The following NRXN3 variants were observed in gnomAD, a reference collection of about 807,000 sequenced individuals.
NRXN3 encodes the protein neurexin 3.
Under a neutral mutation model 137.6 loss-of-function variants are expected in NRXN3, and 32 were observed. The ratio of observed to expected loss-of-function variants is 0.23; its 90% CI spans 0.18 to 0.31. The LOEUF (loss-of-function observed/expected upper bound fraction) is 0.31, where lower values mean the gene tolerates loss of function less well. Ranked by LOEUF, NRXN3 falls within the 10% of genes least tolerant of loss-of-function variation. NRXN3 has a pLI of 1.00. For missense variants in NRXN3, 1,574 were observed against 2,062.5 expected, an observed-to-expected ratio of 0.76 and a Z score of 4.59; for synonymous variants, 798 against 784.5, an observed-to-expected ratio of 1.02 and a Z score of -0.29.
chr14:78,442,067 T>G (rs7143088), intron 4 of NRXN3, among the ~76,000 whole-genome samples: 149,790 of 150,212 alleles, frequency 1, 74,686 homozygotes, highest in Middle Eastern at 1. Context: ...CTGCACTCCA[T>G]CCTGCGTGAC....
chr14:78,484,366 G>T (rs2095527899), intron 4 of NRXN3, among the ~76,000 whole-genome samples: 1 of 152,186 alleles, frequency 6.6e-6, no homozygotes, highest in Admixed American at 6.5e-5. Flanking sequence ...GACATGCAGA[G>T]ATGTGCCCAG....
At chr14:78,715,424 G>C (rs2098426707) in intron 8 of NRXN3, among the ~76,000 whole-genome samples, 1 of 151,940 alleles carries the variant, frequency 6.6e-6, no homozygotes, top group African/African-American at 2.4e-5. Context: ...TTCTCTTTTG[G>C]GACTCCAGGG....
intron 10 of NRXN3, among the ~76,000 whole-genome samples, chr14:78,908,951 A>AAAACATTC (rs1338444591): frequency 6.6e-6 from 1 of 152,186 alleles, no homozygotes; most frequent in Non-Finnish European, 1.5e-5. Context: ...ACTTGTGAAG[A>AAAACATTC]AAACATTCAT....
chr14:79,409,186 T>C (rs1172860879), intron 15 of NRXN3, among the ~76,000 whole-genome samples: 1 of 152,036 alleles, frequency 6.6e-6, no homozygotes, highest in East Asian at 1.9e-4. Context: ...TAACACATTT[T>C]TCAATTAACA....
chr14:78,264,597 GA>G (rs2153478866), intron 2 of NRXN3, among the ~76,000 whole-genome samples: 1 of 152,204 alleles, frequency 6.6e-6, no homozygotes, highest in East Asian at 1.9e-4. Context: ...ATCTGGGGGT[GA>G]GGGGGTGGGG....
At chr14:79,486,157 C>G (rs1234747226) in intron 16 of NRXN3, among the ~76,000 whole-genome samples, 1 of 152,090 alleles carries the variant, frequency 6.6e-6, no homozygotes, top group Admixed American at 6.5e-5. Flanking sequence ...AAGCTCTAGT[C>G]CAGGTCATTC....
intron 19 of NRXN3, among the ~76,000 whole-genome samples, chr14:79,780,640 A>G (rs1293924801): frequency 6.6e-6 from 1 of 152,174 alleles, no homozygotes; most frequent in African/African-American, 2.4e-5. Flanking sequence ...TTTACCTTGA[A>G]TATTGAGATG....
chr14:78,720,076 T>A (rs2098452653), intron 8 of NRXN3, among the ~76,000 whole-genome samples: 1 of 152,130 alleles, frequency 6.6e-6, no homozygotes, highest in African/African-American at 2.4e-5. Flanking sequence ...TATATACATA[T>A]ACTAGATGGT....
intron 10 of NRXN3, among the ~76,000 whole-genome samples, chr14:78,954,090 C>T (rs2099392055): frequency 1.3e-5 from 2 of 152,166 alleles, no homozygotes. Flanking sequence ...ATATTTCAAC[C>T]TTCAGCTTGT....
At chr14:79,383,896 C>G (rs916630423) in intron 15 of NRXN3, among the ~76,000 whole-genome samples, 6 of 152,280 alleles carry the variant, frequency 3.9e-5, no homozygotes, top group Non-Finnish European at 8.8e-5. Context: ...TATTCCCCTC[C>G]CTTTCCTTTA....
Position 79,481,697 on chromosome 14 carries a change from T to C in NRXN3, c.3444+14295T>C, listed in dbSNP as rs1054216761. ...CAGGTGAATTGCAGTAGAGAAAGAGTTTAATACATGTAGAGCTGGCTAAAT... is the reference window on the plus strand; with the variant it reads ...CAGGTGAATTGCAGTAGAGAAAGAGCTTAATACATGTAGAGCTGGCTAAAT... On this transcript the variant is annotated intron_variant, in intron 16 of 20. Coordinates refer to ENST00000335750, the MANE Select transcript of NRXN3 (RefSeq NM_001330195.2). Among the ~76,000 whole-genome samples, 4 of 151,852 alleles carry C rather than the reference T, an allele frequency of 2.6e-5. 1 individual carries two copies. The highest frequency in any genetic ancestry group is 2.6e-4 in the Admixed American group (4 of 15,238).
At chr14:79,520,651 G>A (rs2097055214) in intron 16 of NRXN3, among the ~76,000 whole-genome samples, 1 of 152,144 alleles carries the variant, frequency 6.6e-6, no homozygotes, top group Admixed American at 6.5e-5. Flanking sequence ...AGTATTCCAT[G>A]TTGTATATGT....
At chr14:78,252,994 G>C (rs759819743) in intron 2 of NRXN3, among the ~76,000 whole-genome samples, 18 of 152,154 alleles carry the variant, frequency 1.2e-4, no homozygotes, top group African/African-American at 4.3e-4. Flanking sequence ...TTTCTTTCCA[G>C]ACGGGGCCCT....
intron 16 of NRXN3, among the ~76,000 whole-genome samples, chr14:79,499,183 G>A (rs1375405316): frequency 1.3e-5 from 2 of 152,104 alleles, no homozygotes; most frequent in African/African-American, 4.8e-5. Flanking sequence ...CATTACCAAA[G>A]CTTTGAAGAC....
intron 10 of NRXN3, among the ~76,000 whole-genome samples, chr14:78,815,954 C>T (rs1271712684): frequency 6.6e-6 from 1 of 152,136 alleles, no homozygotes; most frequent in Non-Finnish European, 1.5e-5. Flanking sequence ...GCCTATGTAT[C>T]ATAATGTATT....
At chr14:78,752,678 G>T (rs1311328831) in intron 8 of NRXN3, among the ~76,000 whole-genome samples, 1 of 152,146 alleles carries the variant, frequency 6.6e-6, no homozygotes, top group African/African-American at 2.4e-5. Context: ...GGTGTAGCAG[G>T]CAGAAGAAGC....
At chr14:78,410,529 T>TTC (rs1293967147) in intron 4 of NRXN3, among the ~76,000 whole-genome samples, 11 of 152,218 alleles carry the variant, frequency 7.2e-5, no homozygotes, top group African/African-American at 2.4e-4. Flanking sequence ...TGAGCCAGGG[T>TTC]TCTTCTTCAG....
intron 15 of NRXN3, among the ~76,000 whole-genome samples, chr14:79,057,815 G>T (rs1314634535): frequency 1.3e-5 from 2 of 152,120 alleles, no homozygotes; most frequent in African/African-American, 4.8e-5. Context: ...CCTTGGGCAA[G>T]TTTGGCAGGA....
At chr14:79,544,734 G>A (rs1316375839) in intron 16 of NRXN3, among the ~76,000 whole-genome samples, 1 of 152,182 alleles carries the variant, frequency 6.6e-6, no homozygotes, top group Non-Finnish European at 1.5e-5. Flanking sequence ...GCTTAGATGA[G>A]TGGTTCTCAA....
Sources: allele counts gnomAD v4.1 joint callset (sites outside exome capture counted in the v4.1 genomes callset), GRCh38; gene constraint gnomAD v4.1.1; transcripts MANE v1.5; gene names NCBI Gene and HGNC (gene_info 2026-07-23, HGNC 2026-07-21).